The following GRM1 variants were observed in gnomAD, a reference collection of about 807,000 sequenced individuals.
The protein encoded by GRM1 is glutamate metabotropic receptor 1.
In GRM1, 33 loss-of-function variants were observed where a neutral mutation model predicts 90.9. That is an observed-to-expected ratio of 0.36 (90% CI 0.28 to 0.49). The LOEUF (loss-of-function observed/expected upper bound fraction) is 0.49, where lower values mean the gene tolerates loss of function less well. GRM1 is among the 20% of genes least tolerant of loss of function. The pLI, the probability that GRM1 is intolerant of heterozygous loss-of-function variation, is 0.99. For missense variants in GRM1, 1,190 were observed against 1,534.3 expected, an observed-to-expected ratio of 0.78 and a Z score of 3.75; for synonymous variants, 700 against 613.2, an observed-to-expected ratio of 1.14 and a Z score of -2.09.
At chr6:146,030,885 C>T (rs1790683172) in intron 1 of GRM1, among the ~76,000 whole-genome samples, 1 of 152,082 alleles carries the variant, frequency 6.6e-6, no homozygotes, top group Non-Finnish European at 1.5e-5. Context: ...CCCTCACTCC[C>T]CCAAGAATTA....
At chr6:146,282,983 C>A (rs1413117185) in intron 2 of GRM1, among the ~76,000 whole-genome samples, 2 of 152,116 alleles carry the variant, frequency 1.3e-5, no homozygotes, top group African/African-American at 4.8e-5. Context: ...AATAGCAAAC[C>A]CCCTGCAAGA....
intron 3 of GRM1, among the ~76,000 whole-genome samples, chr6:146,308,169 AAG>A: frequency 6.6e-6 from 1 of 152,288 alleles, no homozygotes; most frequent in Non-Finnish European, 1.5e-5. Context: ...AATTCCATAG[AAG>A]CTGATAGGGT....
At chr6:146,287,520 C>A (rs928011287) in intron 2 of GRM1, among the ~76,000 whole-genome samples, 2 of 152,128 alleles carry the variant, frequency 1.3e-5, no homozygotes, top group East Asian at 3.8e-4. Flanking sequence ...ATACTTCCAC[C>A]AAAGCTATCT....
At chr6:146,244,965 T>C (rs1205971182) in intron 2 of GRM1, among the ~76,000 whole-genome samples, 1 of 152,208 alleles carries the variant, frequency 6.6e-6, no homozygotes, top group Non-Finnish European at 1.5e-5. Context: ...CTGTGCCTGT[T>C]TTGCCACTTC....
At chr6:146,221,019 A>C (rs1780040759) in intron 2 of GRM1, among the ~76,000 whole-genome samples, 1 of 151,966 alleles carries the variant, frequency 6.6e-6, no homozygotes, top group South Asian at 2.1e-4. Flanking sequence ...TATGAAATCT[A>C]CTGAAACCAG....
At chr6:146,074,343 T>G (rs1002055668) in intron 1 of GRM1, among the ~76,000 whole-genome samples, 6 of 152,056 alleles carry the variant, frequency 3.9e-5, no homozygotes, top group African/African-American at 1.4e-4. Flanking sequence ...AGGAGGAGTT[T>G]AAGAAGAGTA....
chr6:146,278,412 A>G (rs1444649489), intron 2 of GRM1, among the ~76,000 whole-genome samples: 2 of 152,154 alleles, frequency 1.3e-5, no homozygotes, highest in African/African-American at 4.8e-5. Context: ...TACTCCATAT[A>G]TTCACCCTTA....
Position 146,044,799 on chromosome 6 carries a change from A to T in GRM1, c.700+14582A>T, listed in dbSNP as rs1791262555. Among the ~76,000 whole-genome samples, 2 of 152,030 alleles carry T rather than the reference A, an allele frequency of 1.3e-5. 1 individual carries two copies. The highest frequency in any genetic ancestry group is 4.1e-4 in the South Asian group (2 of 4,834). On this transcript the variant is annotated intron_variant, in intron 1 of 7. Coordinates refer to ENST00000282753, the MANE Select transcript of GRM1 (RefSeq NM_001278064.2). ...AAACTGCCTCTTAAAAATGAAAAAA[A>T]ATCGAGTGAGTGATTAATTTTTTGA...
chr6:146,153,478 G>T (rs1001908943), intron 1 of GRM1, among the ~76,000 whole-genome samples: 6 of 152,160 alleles, frequency 3.9e-5, no homozygotes, highest in African/African-American at 1.4e-4. Flanking sequence ...TTATATGTAA[G>T]TTTGGAGCCT....
At position 146,357,553 on chromosome 6, in the gene GRM1, T is replaced by C; in HGVS notation, c.1461T>C (p.Thr487=). The C allele has an allele frequency of 6.2e-7, 1 of 1,613,656 alleles. No individual in the cohort carries two copies. Among genetic ancestry groups the C allele is most frequent in the South Asian group, 1.1e-5 (1 of 91,084 alleles). Residue 487 remains threonine (T), a synonymous_variant, in exon 5 of 8, where the codon ACT becomes ACC. Coordinates refer to ENST00000282753, the MANE Select transcript of GRM1 (RefSeq NM_001278064.2). ...ATGATATCATGAATCTGCAGTACAC[T>C]GAAGCTAATCGCTATGACTATGTGC... ...GRYDIMNLQY[T]EANRYDYVHV... is the part of the protein sequence containing the mutation.
At chr6:146,116,007 A>G (rs571643940) in intron 1 of GRM1, among the ~76,000 whole-genome samples, 17 of 152,258 alleles carry the variant, frequency 1.1e-4, no homozygotes, top group South Asian at 8.3e-4. Flanking sequence ...CTGGAGTGCA[A>G]TGGCGCAATC....
intron 2 of GRM1, among the ~76,000 whole-genome samples, chr6:146,169,249 T>A (rs1015044938): frequency 1.5e-4 from 23 of 152,180 alleles, no homozygotes; most frequent in Non-Finnish European, 5.9e-5. Flanking sequence ...ATATTGTATT[T>A]TTCATCTCTA....
intron 7 of GRM1, among the ~76,000 whole-genome samples, chr6:146,412,734 G>C (rs923195567): frequency 3.3e-5 from 5 of 152,104 alleles, no homozygotes; most frequent in Non-Finnish European, 5.9e-5. Flanking sequence ...AAACAGATGA[G>C]AGAGTCAGAA....
chr6:146,192,721 T>A (rs2114586866), intron 2 of GRM1, among the ~76,000 whole-genome samples: 1 of 152,356 alleles, frequency 6.6e-6, no homozygotes, highest in East Asian at 1.9e-4. Flanking sequence ...TACTGATCTT[T>A]ATTTTTAAAT....
intron 1 of GRM1, among the ~76,000 whole-genome samples, chr6:146,109,786 C>T (rs1775482341): frequency 6.6e-6 from 1 of 152,206 alleles, no homozygotes; most frequent in African/African-American, 2.4e-5. Context: ...TGGAGCTGCC[C>T]AAGACCATGG....
chr6:146,245,322 C>G (rs770267196), intron 2 of GRM1, among the ~76,000 whole-genome samples: 1 of 152,164 alleles, frequency 6.6e-6, no homozygotes, highest in African/African-American at 2.4e-5. Flanking sequence ...TCTTCCTGAA[C>G]TGTTCAAGTA....
At chr6:146,065,692 G>A in intron 1 of GRM1, among the ~76,000 whole-genome samples, 1 of 152,184 alleles carries the variant, frequency 6.6e-6, no homozygotes, top group East Asian at 1.9e-4. Context: ...GATCCACGTG[G>A]AATGAGATTT....
chr6:146,247,962 T>C (rs1489068765), intron 2 of GRM1, among the ~76,000 whole-genome samples: 91 of 151,578 alleles, frequency 6.0e-4, no homozygotes, highest in Non-Finnish European at 1.5e-5. Context: ...TAGAGCCTCA[T>C]CAAGTTGTAC....
intron 2 of GRM1, among the ~76,000 whole-genome samples, chr6:146,206,599 T>C (rs1309950601): frequency 6.6e-6 from 1 of 150,572 alleles, no homozygotes; most frequent in Non-Finnish European, 1.5e-5. Context: ...CTTGGATGTT[T>C]GTTAGTTTCT....
Sources: gnomAD v4.1 joint callset for allele counts (sites outside exome capture counted in the v4.1 genomes callset) on GRCh38, gnomAD v4.1.1 for gene constraint, MANE v1.5 for transcripts, NCBI Gene and HGNC (gene_info 2026-07-23, HGNC 2026-07-21) for gene names.